The following CNTNAP2 variants were observed in gnomAD, a reference collection of about 807,000 sequenced individuals.
CNTNAP2 encodes contactin-associated protein-like 2.
Under a neutral mutation model 155.2 loss-of-function variants are expected in CNTNAP2, and 98 were observed. That is an observed-to-expected ratio of 0.63 (90% CI 0.54 to 0.75). CNTNAP2 has a LOEUF of 0.75. CNTNAP2 is among the 30% of genes least tolerant of loss of function. CNTNAP2 has a pLI of 0.00. For missense variants in CNTNAP2, 1,727 were observed against 1,688.1 expected, an observed-to-expected ratio of 1.02 and a Z score of -0.40; for synonymous variants, 651 against 631.2, an observed-to-expected ratio of 1.03 and a Z score of -0.47.
chr7:147,434,110 A>G (rs1270681631), intron 10 of CNTNAP2, among the ~76,000 whole-genome samples: 2 of 152,208 alleles, frequency 1.3e-5, no homozygotes, highest in African/African-American at 2.4e-5. Flanking sequence ...GAGCATAGAA[A>G]GTGAAGAAAT....
intron 3 of CNTNAP2, among the ~76,000 whole-genome samples, chr7:146,931,698 A>G (rs1475849997): frequency 2.0e-5 from 3 of 148,894 alleles, no homozygotes; most frequent in African/African-American, 7.5e-5. Flanking sequence ...AGCAAGACTA[A>G]TAAAGAAAAA....
intron 1 of CNTNAP2, among the ~76,000 whole-genome samples, chr7:146,373,399 A>AACATATAC (rs1449483896): frequency 7.2e-4 from 94 of 131,172 alleles, no homozygotes; most frequent in African/African-American, 3.9e-3. Flanking sequence ...AAAGGAACTT[A>AACATATAC]ACACATACAC....
chr7:147,043,048 C>T (rs1385797131), intron 3 of CNTNAP2, among the ~76,000 whole-genome samples: 4 of 151,958 alleles, frequency 2.6e-5, no homozygotes, highest in Non-Finnish European at 5.9e-5. Context: ...ATAATAGTTT[C>T]TTTCTTTAAA....
chr7:147,654,619 C>T (rs1795497281), intron 13 of CNTNAP2, among the ~76,000 whole-genome samples: 1 of 152,128 alleles, frequency 6.6e-6, no homozygotes, highest in Admixed American at 6.5e-5. Flanking sequence ...ACCTCTCAAA[C>T]TCACTCATGA....
intron 13 of CNTNAP2, among the ~76,000 whole-genome samples, chr7:147,781,475 G>C (rs992212794): frequency 2.0e-5 from 3 of 152,164 alleles, no homozygotes; most frequent in African/African-American, 7.2e-5. Context: ...CGGGGTTCAG[G>C]AAATACTAAG....
chr7:146,727,408 A>C (rs912451413), intron 1 of CNTNAP2, among the ~76,000 whole-genome samples: 2 of 152,222 alleles, frequency 1.3e-5, no homozygotes, highest in African/African-American at 2.4e-5. Context: ...ACTGAGGAGA[A>C]TGATGCTTTA....
At chr7:146,585,101 G>GTGTTT (rs10677797) in intron 1 of CNTNAP2, among the ~76,000 whole-genome samples, 65,660 of 147,840 alleles carry the variant, frequency 0.44, 15,148 homozygotes, top group South Asian at 0.49. Context: ...GAGTATCTTG[G>GTGTTT]TGTTTTGTTT....
At chr7:148,397,736 G>GCTAT (rs1225989875) in intron 22 of CNTNAP2, among the ~76,000 whole-genome samples, 1 of 152,224 alleles carries the variant, frequency 6.6e-6, no homozygotes, top group East Asian at 1.9e-4. Flanking sequence ...ACTTTATCAC[G>GCTAT]CTATCTTTAT....
intron 1 of CNTNAP2, among the ~76,000 whole-genome samples, chr7:146,362,376 C>T (rs1362046876): frequency 6.6e-6 from 1 of 152,110 alleles, no homozygotes; most frequent in African/African-American, 2.4e-5. Flanking sequence ...AGGTAGACAG[C>T]ACCTGGGGTC....
At chr7:147,536,252 C>A (rs1799535138) in intron 11 of CNTNAP2, among the ~76,000 whole-genome samples, 1 of 152,210 alleles carries the variant, frequency 6.6e-6, no homozygotes, top group Non-Finnish European at 1.5e-5. Flanking sequence ...TATTTTCATT[C>A]ATTTACTCAT....
intron 21 of CNTNAP2, among the ~76,000 whole-genome samples, chr7:148,336,370 T>C (rs1247926422): frequency 6.6e-6 from 1 of 152,060 alleles, no homozygotes; most frequent in Non-Finnish European, 1.5e-5. Flanking sequence ...GGAGGAAGGC[T>C]GAAAATATAT....
chr7:147,491,891 A>G (rs960983873), intron 11 of CNTNAP2, among the ~76,000 whole-genome samples: 2 of 152,226 alleles, frequency 1.3e-5, no homozygotes, highest in Non-Finnish European at 2.9e-5. Flanking sequence ...AAGAAATTAT[A>G]TGGAGGAATT....
In CNTNAP2 at chr7:146,309,732, C is replaced by T. The variant is rs1274510845; in HGVS notation, c.97+192759C>T. ...AGGAGACTCGCTTGAACCCTGGAGGCGGAGGTTGCAGTGAGCCAAGATCAG... is the reference window on the plus strand; with the variant it reads ...AGGAGACTCGCTTGAACCCTGGAGGTGGAGGTTGCAGTGAGCCAAGATCAG... On this transcript the variant is annotated intron_variant, in intron 1 of 23. Transcript: ENST00000361727. Among the ~76,000 whole-genome samples the T allele has an allele frequency of 6.6e-5, 10 of 151,604 alleles. No homozygotes were observed. In the South Asian group the frequency reaches 1.0e-3, roughly 16 times the overall value.
At chr7:146,951,239 C>T (rs533467046) in intron 3 of CNTNAP2, among the ~76,000 whole-genome samples, 15 of 152,142 alleles carry the variant, frequency 9.9e-5, no homozygotes, top group South Asian at 6.2e-4. Flanking sequence ...TCCCATTCTA[C>T]AGGTTGCCTG....
intron 13 of CNTNAP2, among the ~76,000 whole-genome samples, chr7:147,879,725 C>T (rs1799487892): frequency 6.6e-6 from 1 of 152,160 alleles, no homozygotes; most frequent in African/African-American, 2.4e-5. Flanking sequence ...ATGAGTGATA[C>T]TGGAGAGAAA....
intron 8 of CNTNAP2, chr7:147,167,321 C>T (rs1802134263): frequency 4.1e-6 from 2 of 486,298 alleles, no homozygotes; most frequent in South Asian, 4.9e-5. Flanking sequence ...CAAGATGGTG[C>T]TATTATAACA....
At chr7:146,891,518 T>C (rs964700479) in intron 3 of CNTNAP2, among the ~76,000 whole-genome samples, 1 of 152,230 alleles carries the variant, frequency 6.6e-6, no homozygotes, top group Admixed American at 6.5e-5. Context: ...ATGCAAAAGA[T>C]AAATTACACA....
intron 11 of CNTNAP2, among the ~76,000 whole-genome samples, chr7:147,561,136 T>A (rs1214192350): frequency 6.6e-6 from 1 of 152,198 alleles, no homozygotes; most frequent in East Asian, 1.9e-4. Flanking sequence ...ACCATGCAAT[T>A]ATTTTTAATT....
Position 146,251,346 on chromosome 7 carries a change from A to G in CNTNAP2, c.97+134373A>G, listed in dbSNP as rs116037907. ...TTGTTAATGACAGATACCAAATTTA[A>G]TAATGTCACCTTGTTTTATGTTTTA... On this transcript the variant is annotated intron_variant, in intron 1 of 23. Coordinates refer to ENST00000361727, the MANE Select transcript of CNTNAP2 (RefSeq NM_014141.6). 7.5e-3 allele frequency among the ~76,000 whole-genome samples: 1,145 copies of G among 152,310 alleles called. 16 individuals are homozygous for G. The highest frequency in any genetic ancestry group is 0.025 in the African/African-American group (1,047 of 41,570).
Sources: gnomAD v4.1 joint callset for allele counts (sites outside exome capture counted in the v4.1 genomes callset) on GRCh38, gnomAD v4.1.1 for gene constraint, MANE v1.5 for transcripts, NCBI Gene and HGNC (gene_info 2026-07-23, HGNC 2026-07-21) for gene names.